AHNAK: variants seen among roughly 807,000 people sequenced by gnomAD.
AHNAK encodes AHNAK nucleoprotein.
In AHNAK, 23 loss-of-function variants were observed where a neutral mutation model predicts 37.8. The ratio of observed to expected loss-of-function variants is 0.61; its 90% CI spans 0.44 to 0.86. AHNAK has a LOEUF of 0.86. AHNAK is among the 40% of genes least tolerant of loss of function. The probability of loss-of-function intolerance (pLI) is 0.00; values close to 1 mark genes in which losing one functional copy is unlikely to be tolerated. For synonymous variants in AHNAK, 2,481 were observed against 2,636.3 expected, an observed-to-expected ratio of 0.94 and a Z score of 1.80; for missense variants, 7,411 against 7,319.4, an observed-to-expected ratio of 1.01 and a Z score of -0.46.
At position 62,518,268 on chromosome 11, in the gene AHNAK, AG is replaced by A. The variant is rs773228584; in HGVS notation, c.16148del (p.Pro5383LeufsTer5). 6 of 1,614,010 alleles carry A rather than the reference AG, an allele frequency of 3.7e-6. No individual in the cohort carries two copies. The highest frequency in any genetic ancestry group is 5.1e-6 in the Non-Finnish European group (6 of 1,180,028). On this transcript the variant is annotated frameshift_variant, in exon 5 of 5. Transcript: ENST00000378024. LOFTEE classifies it high-confidence loss of function. ...GATCAGGAGCTCCTACGGATACTTT[AG>A]GGCATTTGATGTCACCAGAGACAGC... Reference protein sequence around the residue: ...DLAVSGDIKCPKVSVGAPDLS... With the variant: ...DLAVSGDIKCXKVSVGAPDLS...
chr11:62,506,913 T>G (rs1370958652), intron 4 of AHNAK, among the ~76,000 whole-genome samples: 1 of 152,062 alleles, frequency 6.6e-6, no homozygotes, highest in East Asian at 1.9e-4. Context: ...TATGTCCCAG[T>G]TTTTTCCTTT....
In AHNAK at chr11:62,516,991, T is replaced by C. The variant is rs761871341; in HGVS notation, c.17426A>G (p.Glu5809Gly). 6.2e-7 allele frequency: 1 copy of C among 1,614,166 alleles called. No individual in the cohort carries two copies. Among genetic ancestry groups the C allele is most frequent in the East Asian group, 2.2e-5 (1 of 44,882 alleles). ...LEFEGGEVSL[E>G]GGKVKGKHGK... ...GTGTTTCCCTTTAACTTTCCCACCT[T>C]CCAGAGACACTTCCCCACCTTCAAA... The change falls in exon 5 of 5, where the codon GAA becomes GGA. Residue 5809 changes from glutamate (E) to glycine (G), a missense_variant. Coordinates refer to ENST00000378024, the MANE Select transcript of AHNAK (RefSeq NM_001620.3).
downstream of AHNAK, among the ~76,000 whole-genome samples, chr11:62,512,566 G>A (rs776959752): frequency 2.6e-5 from 4 of 152,108 alleles, no homozygotes; most frequent in Admixed American, 6.5e-5. The surrounding 1 kb of genome is among the most constrained non-coding windows in gnomAD (Gnocchi z 4.0). Context: ...CTAAGTTTGC[G>A]AGAGGGAACC....
At chr11:62,487,567 G>T (rs1015930474) in intron 5 of AHNAK, among the ~76,000 whole-genome samples, 1 of 152,108 alleles carries the variant, frequency 6.6e-6, no homozygotes, top group African/African-American at 2.4e-5. Flanking sequence ...CGCAGTCTCG[G>T]CTCACTGCAA....
chr11:62,434,374 T>C (rs558751458), intron 5 of AHNAK, among the ~76,000 whole-genome samples: 1 of 152,246 alleles, frequency 6.6e-6, no homozygotes, highest in Admixed American at 6.5e-5. Context: ...CAACTGGCTT[T>C]GAGACTTCAT....
intron 5 of AHNAK, among the ~76,000 whole-genome samples, chr11:62,487,551 C>CT (rs1939417927): frequency 6.6e-6 from 1 of 152,186 alleles, no homozygotes; most frequent in East Asian, 1.9e-4. Flanking sequence ...GCACTGTCGC[C>CT]GGTGGCGCAG....
chr11:62,544,854 C>A (rs939892645), intron 1 of AHNAK, among the ~76,000 whole-genome samples: 1 of 152,190 alleles, frequency 6.6e-6, no homozygotes, highest in African/African-American at 2.4e-5. Context: ...AACGCCTTCC[C>A]CCACTCTCAG....
chr11:62,436,674 C>T (rs1480663497), intron 5 of AHNAK, among the ~76,000 whole-genome samples: 2 of 151,100 alleles, frequency 1.3e-5, no homozygotes, highest in African/African-American at 2.4e-5. Flanking sequence ...CAGTGGCTCA[C>T]GCCTGTAATC....
intron 5 of AHNAK, among the ~76,000 whole-genome samples, chr11:62,487,623 T>A (rs17157332): frequency 0.15 from 22,060 of 152,120 alleles, 3,928 homozygotes; most frequent in African/African-American, 0.42. Flanking sequence ...CAACCTCCCA[T>A]GATGTCTTGA....
In AHNAK at chr11:62,522,557, C is replaced by T. The variant is rs770701126; in HGVS notation, c.11860G>A (p.Val3954Met). 65 of 1,613,338 alleles carry T rather than the reference C, an allele frequency of 4.0e-5. 1 individual carries two copies. In the South Asian group the frequency reaches 6.8e-4, roughly 17 times the overall value. Reference protein sequence around the residue: ...GFKGEGPEVDVNLPKADLDVS... With the variant: ...GFKGEGPEVDMNLPKADLDVS... The stretch of plus-strand genomic sequence containing the variant: ...TCAAGGTCAGCCTTGGGCAGGTTCA[C>T]ATCCACTTCTGGACCTTCTCCTTTG... Residue 3954 changes from valine (V) to methionine (M), a missense_variant, in exon 5 of 5, where the codon GTG becomes ATG. Coordinates refer to ENST00000378024, the MANE Select transcript of AHNAK (RefSeq NM_001620.3).
In AHNAK at chr11:62,531,105, T is replaced by C. The variant is rs761008623; in HGVS notation, c.3312A>G (p.Arg1104=). The C allele has an allele frequency of 6.2e-6, 10 of 1,614,210 alleles. No individual in the cohort carries two copies. The highest frequency in any genetic ancestry group is 8.5e-6 in the Non-Finnish European group (10 of 1,180,052). Reference sequence around the variant, plus strand: ...GTGCTTTAATATCTACCTTGGGACCTCTGATGTCCACATCTGGAACCTGCA... The same window carrying C: ...GTGCTTTAATATCTACCTTGGGACCCCTGATGTCCACATCTGGAACCTGCA... ...GEMQVPDVDI[R]GPKVDIKAPD... Residue 1104 remains arginine, a synonymous_variant, in exon 5 of 5, where the codon AGA becomes AGG. Transcript: ENST00000378024.
Position 62,518,088 on chromosome 11 carries a change from T to C in AHNAK, c.16329A>G (p.Lys5443=), listed in dbSNP as rs779914820. 10 of 1,614,182 alleles carry C rather than the reference T, an allele frequency of 6.2e-6. No homozygotes were observed. In the Admixed American group the frequency reaches 1.0e-4, roughly 16 times the overall value. ...CATTCGGTGCTGAAATCCGAGGCCC[T>C]TTCAGGTTCACATCCACACCTGGCC... ...LKGPGVDVNL[K]GPRISAPNVD... Residue 5443 remains lysine, a synonymous_variant, in exon 5 of 5, where the codon AAA becomes AAG. Transcript: ENST00000378024.
In AHNAK at chr11:62,523,357, C is replaced by T; in HGVS notation, c.11060G>A (p.Gly3687Asp). ...DLNLKGPKMKGDVVVSLPKVE... is the reference protein window; with the variant it reads ...DLNLKGPKMKDDVVVSLPKVE... ...TTTGGGCAAAGACACAACCACATCA[C>T]CCTTCATTTTGGGTCCCTTCAAGTT... is the stretch of plus-strand genomic sequence containing the variant. The change falls in exon 5 of 5, where the codon GGT becomes GAT. Residue 3687 changes from glycine to aspartate, a missense_variant. Physicochemically the swap from Gly to Asp is moderately conservative, Grantham distance 94. Coordinates refer to ENST00000378024, the MANE Select transcript of AHNAK (RefSeq NM_001620.3). 1.9e-6 allele frequency: 3 copies of T among 1,612,674 alleles called. No homozygotes were observed. The highest frequency in any genetic ancestry group is 1.1e-5 in the South Asian group (1 of 90,856).
Position 62,516,180 on chromosome 11 carries a change from C to G in AHNAK, c.*564G>C, listed in dbSNP as rs1245004436. On this transcript the variant is annotated 3_prime_UTR_variant, in exon 5 of 5. Transcript: ENST00000378024. ...GCACCAAACTGGCTGGGACCACCAC[C>G]CCTGGGTGAAAGAAACAACACTAAA... The G allele has an allele frequency of 1.6e-6, 2 of 1,289,152 alleles. No individual in the cohort carries two copies. Among genetic ancestry groups the G allele is most frequent in the Admixed American group, 4.6e-5 (2 of 43,540 alleles). 79.9% of individuals were successfully genotyped at this position (1,289,152 alleles called of 1,614,324 possible).
rs776744839 is a variant in AHNAK, at chr11:62,521,911, T to G, written c.12506A>C (p.Lys4169Thr). 1 of 1,613,144 alleles carries G rather than the reference T, an allele frequency of 6.2e-7. No individual in the cohort carries two copies. The highest frequency in any genetic ancestry group is 8.5e-7 in the Non-Finnish European group (1 of 1,179,856). Residue 4169 changes from lysine (K) to threonine (T), a missense_variant, in exon 5 of 5, where the codon AAA becomes ACA. Transcript: ENST00000378024. ...CACATCTGGGACATCAATGTCCACT[T>G]TGGGGCCCTTGATGTCAACTTCAGG... The part of the protein sequence containing the change: ...KGPEVDIKGP[K>T]VDIDVPDVDV...
At chr11:62,472,936 A>T (rs1408924850) in intron 5 of AHNAK, among the ~76,000 whole-genome samples, 1 of 151,188 alleles carries the variant, frequency 6.6e-6, no homozygotes, top group African/African-American at 2.4e-5. Context: ...AAAATACAAA[A>T]ATTAGCCGAA....
chr11:62,531,184 C>G lies in AHNAK; in HGVS notation c.3233G>C (p.Gly1078Ala). The G allele has an allele frequency of 6.2e-7, 1 of 1,614,074 alleles. No homozygotes were observed. Among genetic ancestry groups the G allele is most frequent in the Non-Finnish European group, 8.5e-7 (1 of 1,180,012 alleles). The change falls in exon 5 of 5, where the codon GGA (glycine) becomes GCA (alanine). Residue 1078 changes from glycine to alanine, a missense_variant. Gly to Ala is a moderately conservative substitution (Grantham distance 60). Transcript: ENST00000378024. Reference protein sequence around the residue: ...SLPDVDLDLKGPKMKGNVDIS... With the variant: ...SLPDVDLDLKAPKMKGNVDIS... ...ATCTACATTTCCTTTCATTTTGGGTCCTTTAAGATCCAGGTCAACATCTGG... is the reference window on the plus strand; with the variant it reads ...ATCTACATTTCCTTTCATTTTGGGTGCTTTAAGATCCAGGTCAACATCTGG...
chr11:62,470,917 C>T lies in AHNAK; in HGVS notation c.442+20815G>A, dbSNP rs1939022882. On this transcript the variant is annotated intron_variant, in intron 5 of 5. Coordinates refer to the AHNAK transcript ENST00000257247. ...AACTAAATAATACAAGATGCTGGGCCTGTTCCAGTCCCCCGAGACCTGACC... is the reference window on the plus strand; with the variant it reads ...AACTAAATAATACAAGATGCTGGGCTTGTTCCAGTCCCCCGAGACCTGACC... 2.0e-5 allele frequency among the ~76,000 whole-genome samples: 3 copies of T among 152,222 alleles called. No individual in the cohort carries two copies. In the South Asian group the frequency reaches 6.2e-4, roughly 32 times the overall value.
intron 1 of AHNAK, among the ~76,000 whole-genome samples, chr11:62,539,126 G>A (rs1053394774): frequency 3.3e-5 from 5 of 152,160 alleles, no homozygotes; most frequent in African/African-American, 1.2e-4. Flanking sequence ...AGAAGGCTGC[G>A]ACAGGAAATC....
Sources: gnomAD v4.1 joint callset for allele counts (sites outside exome capture counted in the v4.1 genomes callset) on GRCh38, gnomAD v4.1.1 for gene constraint, Gnocchi (gnomAD v3.1) non-coding constraint, MANE v1.5 for transcripts, NCBI Gene and HGNC (gene_info 2026-07-23, HGNC 2026-07-21) for gene names.